The following KIF1B variants were observed in gnomAD, a reference collection of about 807,000 sequenced individuals.
KIF1B encodes the protein kinesin-like protein KIF1B.
Under a neutral mutation model 241.9 loss-of-function variants are expected in KIF1B, and 76 were observed. The ratio of observed to expected loss-of-function variants is 0.31; its 90% CI spans 0.26 to 0.38. The LOEUF is 0.38. KIF1B is among the 10% of genes least tolerant of loss of function. The pLI is 1.00. For synonymous variants in KIF1B, 750 were observed against 796.7 expected, an observed-to-expected ratio of 0.94 and a Z score of 0.99; for missense variants, 1,622 against 2,271.4, an observed-to-expected ratio of 0.71 and a Z score of 5.81.
At position 10,306,757 on chromosome 1, in the gene KIF1B, TAAAAAAAAAAAAAAAAA is replaced by T. The variant is rs745772393; in HGVS notation, c.2115+9522_2115+9538del. The T allele has an allele frequency of 7.1e-6, 4 of 566,514 alleles. 1 individual carries two copies. In the East Asian group the frequency reaches 4.8e-4, roughly 67 times the overall value. 35.1% of individuals were successfully genotyped at this position (566,514 alleles called of 1,614,324 possible). On this transcript the variant is annotated intron_variant, in intron 22 of 48. Coordinates refer to ENST00000676179, the MANE Select transcript of KIF1B (RefSeq NM_001365951.3). ...GGACAACAGAGTGAGAACCTGTCTT[TAAAAAAAAAAAAAAAAA>T]AAAAAAAAAAGGTAATATTTATTAT... is the stretch of plus-strand genomic sequence containing the variant.
At position 10,344,437 on chromosome 1, in the gene KIF1B, A is replaced by C. The variant is rs569040397; in HGVS notation, c.3688+1150A>C. Among the ~76,000 whole-genome samples, 116 of 152,304 alleles carry C rather than the reference A, an allele frequency of 7.6e-4. 1 individual carries two copies. Among genetic ancestry groups the C allele is most frequent in the African/African-American group, 2.7e-3 (111 of 41,560 alleles). On this transcript the variant is annotated intron_variant, in intron 34 of 48. Coordinates refer to ENST00000676179, the MANE Select transcript of KIF1B (RefSeq NM_001365951.3). The stretch of plus-strand genomic sequence containing the variant: ...CTCAGCACATTTTCAAGGTTGTATC[A>C]CATTTTCTTCCTAGAGATTTGGGAA...
chr1:10,231,590 T>C (rs1188961714), intron 1 of KIF1B, among the ~76,000 whole-genome samples: 1 of 151,692 alleles, frequency 6.6e-6, no homozygotes, highest in East Asian at 1.9e-4. Context: ...TTTTACCATG[T>C]TGGCCAGGCT....
At position 10,303,349 on chromosome 1, in the gene KIF1B, C is replaced by T. The variant is rs764290062; in HGVS notation, c.2115+6103C>T. On this transcript the variant is annotated intron_variant, in intron 22 of 48. Transcript: ENST00000676179. This position sits in a 1 kb window ranked among gnomAD's most constrained non-coding sequence, Gnocchi z 5.2. ...AATGTATCAGATACCCCAAAGAAGG[C>T]GCTTGAGTAAAGATTCCAAGTGGGT... is the stretch of plus-strand genomic sequence containing the variant. 28 of 1,614,020 alleles carry T rather than the reference C, an allele frequency of 1.7e-5. No individual in the cohort carries two copies. Among genetic ancestry groups the T allele is most frequent in the African/African-American group, 8.0e-5 (6 of 74,908 alleles).
At chr1:10,339,003 T>G (rs530970981) in intron 31 of KIF1B, among the ~76,000 whole-genome samples, 11 of 152,252 alleles carry the variant, frequency 7.2e-5, no homozygotes, top group Admixed American at 2.6e-4. Context: ...GGTGTCCTTC[T>G]GATGGATTTT....
At chr1:10,217,343 CTTT>C (rs769372780) in intron 1 of KIF1B, among the ~76,000 whole-genome samples, 1 of 131,974 alleles carries the variant, frequency 7.6e-6, no homozygotes. Flanking sequence ...CTTTCTTTTT[CTTT>C]TTTTTTTTTT....
At chr1:10,284,088 T>C (rs1029073180) in intron 15 of KIF1B, among the ~76,000 whole-genome samples, 1 of 152,198 alleles carries the variant, frequency 6.6e-6, no homozygotes, top group Admixed American at 6.5e-5. Flanking sequence ...AAAAGTACAG[T>C]GTGGGCCGGG....
At position 10,342,180 on chromosome 1, in the gene KIF1B, A is replaced by G; in HGVS notation, c.3632+12A>G. On this transcript the variant is annotated intron_variant, in intron 33 of 48. Coordinates refer to ENST00000676179, the MANE Select transcript of KIF1B (RefSeq NM_001365951.3). ...CAGGAGCTTAACAGGTTTGGACCAGATAAGCAAACATTTTTGATGGTATTG... is the reference window on the plus strand; with the variant it reads ...CAGGAGCTTAACAGGTTTGGACCAGGTAAGCAAACATTTTTGATGGTATTG... 1 of 1,472,992 alleles carries G rather than the reference A, an allele frequency of 6.8e-7. No homozygotes were observed. Among genetic ancestry groups the G allele is most frequent in the Non-Finnish European group, 9.5e-7 (1 of 1,051,102 alleles). 91.2% of individuals were successfully genotyped at this position (1,472,992 alleles called of 1,614,324 possible).
intron 28 of KIF1B, 110 bp from the exon 29 acceptor site, chr1:10,336,547 T>C: frequency 1.2e-6 from 1 of 844,908 alleles, no homozygotes; most frequent in South Asian, 1.3e-5. Flanking sequence ...ACTACTTTGG[T>C]ATCATTCTCT....
intron 12 of KIF1B, among the ~76,000 whole-genome samples, chr1:10,277,608 G>C (rs1267076079): frequency 6.6e-6 from 1 of 152,062 alleles, no homozygotes; most frequent in Non-Finnish European, 1.5e-5. Context: ...TAAAGTGTTG[G>C]GATTACAGGT....
At chr1:10,319,370 G>A (rs1256519155) in intron 22 of KIF1B, among the ~76,000 whole-genome samples, 3 of 152,056 alleles carry the variant, frequency 2.0e-5, no homozygotes, top group African/African-American at 7.2e-5. Context: ...CAAAGTGCTG[G>A]GATTACAGGT....
rs867096840 is a variant in KIF1B at position 10,254,338 on chromosome 1, A to G, written c.107-1909A>G. ...GCTAACTTACCTAGGATGGATAAAC[A>G]TTATCACAGAGTATTTACTGAGCAT... is the stretch of plus-strand genomic sequence containing the variant. On this transcript the variant is annotated intron_variant, in intron 2 of 48. Coordinates refer to ENST00000676179, the MANE Select transcript of KIF1B (RefSeq NM_001365951.3). Among the ~76,000 whole-genome samples, 79 of 152,318 alleles carry G rather than the reference A, an allele frequency of 5.2e-4. No homozygotes were observed. The Middle Eastern group carries it at 0.017, about 33-fold the overall frequency.
intron 1 of KIF1B, among the ~76,000 whole-genome samples, chr1:10,228,886 CAA>C (rs1646943475): frequency 6.6e-6 from 1 of 152,098 alleles, no homozygotes; most frequent in Non-Finnish European, 1.5e-5. Flanking sequence ...TACAAGGTTT[CAA>C]AGAGTAGTGA....
chr1:10,236,283 A>AACAACC (rs1647050734), intron 2 of KIF1B, among the ~76,000 whole-genome samples: 1 of 148,876 alleles, frequency 6.7e-6, no homozygotes, highest in Non-Finnish European at 1.5e-5. Flanking sequence ...AAACAACAAC[A>AACAACC]ACAACAACAA....
Position 10,365,776 on chromosome 1 carries a change from A to G in KIF1B, c.4752+128A>G, listed in dbSNP as rs1265384089. 6.2e-5 allele frequency: 83 copies of G among 1,348,416 alleles called. 1 individual carries two copies. The South Asian group carries it at 9.5e-4, about 15-fold the overall frequency. The allele number at this position is 1,348,416 out of a possible 1,614,324, so 83.5% of individuals were successfully genotyped here. On this transcript the variant is annotated intron_variant, in intron 43 of 48. Transcript: ENST00000676179. The surrounding 1 kb of genome is among the most constrained non-coding windows in gnomAD (Gnocchi z 4.0). ...CCTGTGATAATACTGTGAATGTAGA[A>G]ATAAAAAGACGCAGTTCCTACCCTC...
chr1:10,368,093 T>C (rs890065342), intron 43 of KIF1B, among the ~76,000 whole-genome samples: 5 of 151,886 alleles, frequency 3.3e-5, no homozygotes, highest in Non-Finnish European at 2.9e-5. Context: ...GCCACTTGCT[T>C]TATCTTTATT....
At chr1:10,353,088 A>AT (rs1012093026) in intron 38 of KIF1B, among the ~76,000 whole-genome samples, 2 of 152,128 alleles carry the variant, frequency 1.3e-5, no homozygotes, top group Non-Finnish European at 2.9e-5. Context: ...CCAAGATTAA[A>AT]TTTTTTCCTG....
chr1:10,346,524 C>A (rs1652596660), intron 35 of KIF1B, among the ~76,000 whole-genome samples: 1 of 152,054 alleles, frequency 6.6e-6, no homozygotes, highest in Non-Finnish European at 1.5e-5. Context: ...GCCACCACGC[C>A]AGGCTAATTT....
intron 22 of KIF1B, among the ~76,000 whole-genome samples, chr1:10,310,020 G>T (rs1651000736): frequency 6.6e-6 from 1 of 151,294 alleles, no homozygotes; most frequent in Non-Finnish European, 1.5e-5. Flanking sequence ...AGCTCTTTCT[G>T]CCCAGCCCAC....
At chr1:10,294,829 C>G (rs1650181820) in intron 17 of KIF1B, among the ~76,000 whole-genome samples, 1 of 152,106 alleles carries the variant, frequency 6.6e-6, no homozygotes, top group Non-Finnish European at 1.5e-5. Flanking sequence ...AATCATGCCG[C>G]TGTACTCTAG....
Sources: gnomAD v4.1 joint callset for allele counts (sites outside exome capture counted in the v4.1 genomes callset) on GRCh38, gnomAD v4.1.1 for gene constraint, Gnocchi (gnomAD v3.1) non-coding constraint, MANE v1.5 for transcripts, NCBI Gene and HGNC (gene_info 2026-07-23, HGNC 2026-07-21) for gene names.